Variants in GRIK2 observed in about 807,000 individuals in gnomAD.
GRIK2 encodes glutamate ionotropic receptor kainate type subunit 2.
GRIK2 carries 32 observed loss-of-function variants against 100.3 expected under a neutral mutation model. The observed-to-expected ratio is 0.32, with a 90% CI of 0.24 to 0.43. The LOEUF (loss-of-function observed/expected upper bound fraction) is 0.43, where lower values mean the gene tolerates loss of function less well. Among genes scored for constraint, GRIK2 ranks in the 20% least tolerant of loss-of-function variants. The pLI, the probability that GRIK2 is intolerant of heterozygous loss-of-function variation, is 1.00. For missense variants in GRIK2, 843 were observed against 1,114.9 expected (o/e 0.76, Z 3.47); for synonymous variants, 417 against 389.4 (o/e 1.07, Z -0.83).
At chr6:101,964,792 T>G (rs1193939731) in intron 14 of GRIK2, among the ~76,000 whole-genome samples, 1 of 152,050 alleles carries the variant, frequency 6.6e-6, no homozygotes, top group African/African-American at 2.4e-5. Context: ...ACTTTTTACT[T>G]ATGGATCCTA....
intron 14 of GRIK2, among the ~76,000 whole-genome samples, chr6:101,981,159 A>C (rs1179803905): frequency 6.6e-6 from 1 of 151,794 alleles, no homozygotes; most frequent in African/African-American, 2.4e-5. Context: ...GGTTGATGAC[A>C]TCATCCCACT....
intron 4 of GRIK2, among the ~76,000 whole-genome samples, chr6:101,668,131 C>T (rs1770166539): frequency 1.3e-5 from 2 of 152,154 alleles, no homozygotes; most frequent in Admixed American, 1.3e-4. Flanking sequence ...GACTAGCCCT[C>T]CAATTCTATT....
At chr6:101,804,361 C>G (rs183976863) in intron 9 of GRIK2, among the ~76,000 whole-genome samples, 307 of 151,942 alleles carry the variant, frequency 2.0e-3, no homozygotes, top group African/African-American at 5.7e-3. Context: ...TATTAGAACA[C>G]AATGTGAGTT....
Position 101,510,524 on chromosome 6 carries a change from T to G in GRIK2, c.115+111132T>G, listed in dbSNP as rs1158977397. ...CCAGTTGGGGAGTTTTTTTTTTTTT[T>G]TTTTTTTTTTTTTTTTGAGATTGAG... On this transcript the variant is annotated intron_variant, in intron 2 of 16. Transcript: ENST00000369134. 1.5e-3 allele frequency among the ~76,000 whole-genome samples: 216 copies of G among 139,906 alleles called. 4 individuals carry two copies. Among genetic ancestry groups the G allele is most frequent in the African/African-American group, 4.9e-3 (183 of 37,460 alleles). The allele number at this position is 139,906 out of a possible 152,430, so 91.8% of individuals were successfully genotyped here. A position where few individuals can be genotyped will look rare whatever the true frequency, so the allele number is the denominator to read the frequency against.
At chr6:101,631,537 TCAAAA>T (rs1780742435) in intron 4 of GRIK2, among the ~76,000 whole-genome samples, 1 of 152,156 alleles carries the variant, frequency 6.6e-6, no homozygotes, top group Non-Finnish European at 1.5e-5. Flanking sequence ...CACTTAATCT[TCAAAA>T]CAATTCTGTG....
chr6:101,878,356 T>C (rs111721382), intron 11 of GRIK2, among the ~76,000 whole-genome samples: 2 of 151,332 alleles, frequency 1.3e-5, no homozygotes, highest in African/African-American at 4.9e-5. Flanking sequence ...TTTTTTCTAT[T>C]TAGTCTAGTG....
intron 14 of GRIK2, among the ~76,000 whole-genome samples, chr6:101,945,844 G>T (rs1211091364): frequency 6.7e-6 from 1 of 149,482 alleles, no homozygotes; most frequent in Non-Finnish European, 1.5e-5. Context: ...ACTAGAATGT[G>T]AATTTCATGA....
At chr6:101,714,411 C>T (rs763126375) in intron 7 of GRIK2, among the ~76,000 whole-genome samples, 3 of 151,596 alleles carry the variant, frequency 2.0e-5, no homozygotes, top group Non-Finnish European at 4.4e-5. Context: ...ATTGATGTAT[C>T]TTACTTTACA....
At position 101,691,220 on chromosome 6, in the gene GRIK2, T is replaced by A. The variant is rs539599902; in HGVS notation, c.951+4867T>A. ...GGAGAGCATTTTATTTGCCCTCTTG[T>A]ACTTTATTATCAATATATCTAATCA... On this transcript the variant is annotated intron_variant, in intron 7 of 16. Transcript: ENST00000369134. 7.9e-5 allele frequency among the ~76,000 whole-genome samples: 12 copies of A among 152,280 alleles called. No individual in the cohort carries two copies. In the South Asian group the frequency reaches 2.5e-3, roughly 32 times the overall value.
Position 101,686,404 on chromosome 6 carries a change from A to C in GRIK2, c.951+51A>C, listed in dbSNP as rs193144505. The C allele has an allele frequency of 9.7e-5, 134 of 1,382,530 alleles. No homozygotes were observed. In the African/African-American group the frequency reaches 1.3e-3, roughly 13 times the overall value. 85.6% of individuals were successfully genotyped at this position (1,382,530 alleles called of 1,614,324 possible). ...TTTGTGTGTTTCTAAATAGTATTGC[A>C]TACATATGAACTTCTGGGTTTATAT... is the stretch of plus-strand genomic sequence containing the variant. On this transcript the variant is annotated intron_variant, in intron 7 of 16. Coordinates refer to ENST00000369134, the MANE Select transcript of GRIK2 (RefSeq NM_021956.5).
At chr6:101,911,144 G>T (rs1047082939) in intron 12 of GRIK2, among the ~76,000 whole-genome samples, 2 of 151,356 alleles carry the variant, frequency 1.3e-5, no homozygotes, top group South Asian at 4.2e-4. Flanking sequence ...AACTACATCT[G>T]GAAAAGTCAG....
At chr6:101,975,441 A>G (rs1229639203) in intron 14 of GRIK2, among the ~76,000 whole-genome samples, 3 of 152,084 alleles carry the variant, frequency 2.0e-5, no homozygotes, top group East Asian at 3.9e-4. Flanking sequence ...GTGGAGTGTG[A>G]TATCAGGGAA....
At chr6:101,772,744 A>T (rs1037511189) in intron 7 of GRIK2, among the ~76,000 whole-genome samples, 3 of 146,256 alleles carry the variant, frequency 2.1e-5, no homozygotes, top group African/African-American at 7.6e-5. Context: ...GAAGCTATTG[A>T]TGTTGCTAGA....
At chr6:101,530,789 C>T (rs1439996249) in intron 2 of GRIK2, among the ~76,000 whole-genome samples, 1 of 151,858 alleles carries the variant, frequency 6.6e-6, no homozygotes, top group Non-Finnish European at 1.5e-5. Context: ...GCAAACATGA[C>T]ATGGAATTTG....
chr6:101,760,026 C>T (rs537217869), intron 7 of GRIK2, among the ~76,000 whole-genome samples: 2,272 of 136,974 alleles, frequency 0.017, 46 homozygotes, highest in Middle Eastern at 0.029. Flanking sequence ...CCCGCCACCG[C>T]GCCCGGCTAA....
At chr6:101,856,277 C>T (rs532795135) in intron 10 of GRIK2, among the ~76,000 whole-genome samples, 6 of 152,152 alleles carry the variant, frequency 3.9e-5, no homozygotes, top group African/African-American at 9.6e-5. Context: ...GCAGAGTAAA[C>T]GATGGTGCCA....
chr6:101,581,177 TATATAC>T (rs1778067807), intron 2 of GRIK2, among the ~76,000 whole-genome samples: 2 of 150,912 alleles, frequency 1.3e-5, no homozygotes, highest in African/African-American at 4.9e-5. Context: ...CATATATATA[TATATAC>T]ACACACACAC....
chr6:101,949,999 C>T (rs551331287), intron 14 of GRIK2, among the ~76,000 whole-genome samples: 2 of 152,120 alleles, frequency 1.3e-5, no homozygotes, highest in South Asian at 4.1e-4. Flanking sequence ...AGGAACAGAA[C>T]AGAAATGAGA....
intron 14 of GRIK2, among the ~76,000 whole-genome samples, chr6:101,978,071 G>T (rs1445157657): frequency 6.6e-6 from 1 of 151,840 alleles, no homozygotes; most frequent in Non-Finnish European, 1.5e-5. Flanking sequence ...CTGATAGGAG[G>T]TTTTTTTCTG....
Sources: gnomAD v4.1 joint callset for allele counts (sites outside exome capture counted in the v4.1 genomes callset) on GRCh38, gnomAD v4.1.1 for gene constraint, MANE v1.5 for transcripts, NCBI Gene and HGNC (gene_info 2026-07-23, HGNC 2026-07-21) for gene names.